MAEA: variants seen among roughly 807,000 people sequenced by gnomAD.
MAEA encodes the protein E3 ubiquitin-protein transferase MAEA.
In MAEA, 22 loss-of-function variants were observed where a neutral mutation model predicts 46.2. The ratio of observed to expected loss-of-function variants is 0.48; its 90% CI spans 0.34 to 0.68. The LOEUF is 0.68. Among genes scored for constraint, MAEA ranks in the 30% least tolerant of loss-of-function variants. The probability of loss-of-function intolerance (pLI) is 0.01; values close to 1 mark genes in which losing one functional copy is unlikely to be tolerated. For synonymous variants in MAEA, 246 were observed against 222.6 expected, an observed-to-expected ratio of 1.11 and a Z score of -0.94; for missense variants, 393 against 558.1, an observed-to-expected ratio of 0.70 and a Z score of 2.98.
intron 1 of MAEA, among the ~76,000 whole-genome samples, chr4:1,301,889 C>T (rs1315645938): frequency 1.3e-5 from 2 of 152,160 alleles, no homozygotes; most frequent in Non-Finnish European, 2.9e-5. Context: ...AAAGAAAAGC[C>T]TGAGACCAGA....
At chr4:1,315,727 T>G in intron 3 of MAEA, 127 bp downstream of exon 3, 9 of 456,474 alleles carry the variant, frequency 2.0e-5, no homozygotes, top group Non-Finnish European at 2.9e-5. Flanking sequence ...CCCACCCCCG[T>G]ATGCTTGTGT....
intron 6 of MAEA, among the ~76,000 whole-genome samples, chr4:1,334,350 C>T (rs970318862): frequency 6.8e-6 from 1 of 146,234 alleles, no homozygotes; most frequent in Non-Finnish European, 1.5e-5. Context: ...TGGGCAGTCC[C>T]AGACCTGCTG....
intron 1 of MAEA, among the ~76,000 whole-genome samples, chr4:1,295,194 G>C (rs528579720): frequency 9.7e-4 from 147 of 152,226 alleles, no homozygotes; most frequent in African/African-American, 3.4e-3. Context: ...CCCACCCTCT[G>C]GGGGCTTCAG....
At chr4:1,309,964 T>G in intron 1 of MAEA, 1 of 1,248,216 alleles carries the variant, frequency 8.0e-7, no homozygotes, top group East Asian at 3.1e-5. Flanking sequence ...CAGAGAGGCC[T>G]TTCCTTTTCT....
intron 3 of MAEA, among the ~76,000 whole-genome samples, chr4:1,321,056 C>T (rs1186582467): frequency 4.6e-5 from 7 of 152,146 alleles, no homozygotes; most frequent in East Asian, 1.9e-4. Flanking sequence ...GTGGAGATTG[C>T]GCCACTGCAC....
chr4:1,322,952 T>C (rs1738336335), intron 4 of MAEA, among the ~76,000 whole-genome samples: 3 of 136,760 alleles, frequency 2.2e-5, no homozygotes, highest in Non-Finnish European at 4.7e-5. Flanking sequence ...ACTTTTTTTT[T>C]TTTTTTTTTT....
rs180807101 is a variant in MAEA at position 1,322,552 on chromosome 4, C to T, written c.579+49C>T. 1,490 of 1,601,494 alleles carry T rather than the reference C, an allele frequency of 9.3e-4. 7 individuals are homozygous for T. The highest frequency in any genetic ancestry group is 7.9e-3 in the African/African-American group (591 of 74,814). The stretch of plus-strand genomic sequence containing the variant: ...TGGGAGTGGGTCGGGGCCGAGGCTG[C>T]GCCACCTGCCCTGGAGCCAGCACCC... On this transcript the variant is annotated intron_variant, in intron 4 of 8. Coordinates refer to ENST00000303400, the MANE Select transcript of MAEA (RefSeq NM_001017405.3).
chr4:1,318,160 C>T (rs1275054835), intron 3 of MAEA, among the ~76,000 whole-genome samples: 2 of 151,964 alleles, frequency 1.3e-5, no homozygotes, highest in Non-Finnish European at 2.9e-5. Flanking sequence ...CATGTCCTGG[C>T]TGCCTGGGGC....
intron 5 of MAEA, chr4:1,332,320 A>G (rs1396121166): frequency 6.3e-6 from 1 of 158,008 alleles, no homozygotes; most frequent in African/African-American, 2.4e-5. Flanking sequence ...GGTGAGCCGC[A>G]CCTCCCGCCA....
intron 5 of MAEA, 192 bp from the exon 6 acceptor site, chr4:1,332,565 A>C (rs1276743572): frequency 4.1e-6 from 2 of 488,786 alleles, no homozygotes; most frequent in Non-Finnish European, 7.4e-6. Flanking sequence ...GATGTTTTTT[A>C]CATTAGCTAG....
intron 1 of MAEA, among the ~76,000 whole-genome samples, chr4:1,294,424 T>G (rs1734420112): frequency 6.6e-6 from 1 of 152,122 alleles, no homozygotes; most frequent in South Asian, 2.1e-4. Context: ...TTTTAACACA[T>G]TTCAAGTCAA....
rs766948820 is a variant in MAEA at position 1,306,371 on chromosome 4, C to T, written c.70-5608C>T. ...CCATTAAAAAAATGGGATTGCTAAC[C>T]GGGCGAGGTGGCAGGCACCTGTAGT... On this transcript the variant is annotated intron_variant, in intron 1 of 8. Transcript: ENST00000303400. 5.3e-5 allele frequency among the ~76,000 whole-genome samples: 8 copies of T among 152,126 alleles called. No homozygotes were observed. The East Asian group carries it at 5.8e-4, about 11-fold the overall frequency.
intron 1 of MAEA, among the ~76,000 whole-genome samples, chr4:1,307,003 C>G (rs1735895960): frequency 6.6e-6 from 1 of 152,136 alleles, no homozygotes; most frequent in Admixed American, 6.5e-5. Context: ...TCTGGGTTCC[C>G]CACCCTGTAT....
At chr4:1,294,669 G>C (rs1189445248) in intron 1 of MAEA, among the ~76,000 whole-genome samples, 2 of 152,012 alleles carry the variant, frequency 1.3e-5, no homozygotes, top group African/African-American at 2.4e-5. Flanking sequence ...CTAGCATGAT[G>C]GGGAGACAAG....
In MAEA at chr4:1,311,988, G is replaced by A. The variant is rs754019367; in HGVS notation, c.79G>A (p.Glu27Lys). 2 of 1,608,628 alleles carry A rather than the reference G, an allele frequency of 1.2e-6. No homozygotes were observed. The highest frequency in any genetic ancestry group is 1.7e-6 in the Non-Finnish European group (2 of 1,175,642). The change falls in exon 2 of 9, where the codon GAG becomes AAG. Residue 27 changes from glutamate to lysine, a missense_variant. By Grantham distance (56) the Glu-to-Lys change is moderately conservative. Coordinates refer to ENST00000303400, the MANE Select transcript of MAEA (RefSeq NM_001017405.3). This position sits in a 1 kb window ranked among gnomAD's most constrained non-coding sequence, Gnocchi z 4.4. ...CCTCCTTCCTCTCCAGGTGCCCTAC[G>A]AGACGCTGAACAAACGCTTTCGCGC... ...QEYPTLKVPY[E>K]TLNKRFRAAQ... is the part of the protein sequence containing the mutation.
intron 2 of MAEA, among the ~76,000 whole-genome samples, chr4:1,314,686 G>T (rs893457433): frequency 6.6e-6 from 1 of 152,186 alleles, no homozygotes; most frequent in Admixed American, 6.5e-5. Flanking sequence ...GGATTTTCCC[G>T]TGGTGGAACT....
chr4:1,294,859 G>A (rs1734479685), intron 1 of MAEA, among the ~76,000 whole-genome samples: 1 of 151,956 alleles, frequency 6.6e-6, no homozygotes, highest in Non-Finnish European at 1.5e-5. Context: ...TTCCTCCAGT[G>A]AATGCGATAT....
Position 1,312,111 on chromosome 4 carries a change from G to T in MAEA, c.202G>T (p.Val68Phe). The T allele has an allele frequency of 6.2e-7, 1 of 1,613,908 alleles. No homozygotes were observed. Among genetic ancestry groups the T allele is most frequent in the Non-Finnish European group, 8.5e-7 (1 of 1,180,050 alleles). ...CGGCTGCCCCGCCGTGGACTCCGTG[G>T]TCAGCCTGCTGGACGGCGTGGTGGA... ...LSGCPAVDSV[V>F]SLLDGVVEKL... Residue 68 changes from valine (V) to phenylalanine (F), a missense_variant, in exon 2 of 9, where the codon GTC (valine) becomes TTC (phenylalanine). Physicochemically the swap from Val to Phe is conservative, Grantham distance 50 (BLOSUM62 -1). Transcript: ENST00000303400.
At position 1,311,790 on chromosome 4, in the gene MAEA, G is replaced by A. The variant is rs1397923778; in HGVS notation, c.70-189G>A. 1.3e-5 allele frequency among the ~76,000 whole-genome samples: 2 copies of A among 152,216 alleles called. No homozygotes were observed. The highest frequency in any genetic ancestry group is 6.5e-5 in the Admixed American group (1 of 15,288). ...GTTGCTTCTCATCCAGGGATGTGGA[G>A]TGGCTCTCCGTTCAGCAGGGCTTTT... On this transcript the variant is annotated intron_variant, in intron 1 of 8. Transcript: ENST00000303400. The surrounding 1 kb of genome is among the most constrained non-coding windows in gnomAD (Gnocchi z 4.4).
Sources: gnomAD v4.1 joint callset for allele counts (sites outside exome capture counted in the v4.1 genomes callset) on GRCh38, gnomAD v4.1.1 for gene constraint, Gnocchi (gnomAD v3.1) non-coding constraint, MANE v1.5 for transcripts, NCBI Gene and HGNC (gene_info 2026-07-23, HGNC 2026-07-21) for gene names.